Variants in TEX14 observed in about 807,000 individuals in gnomAD.
The protein encoded by TEX14 is inactive serine/threonine-protein kinase TEX14.
A neutral mutation model predicts 178.6 loss-of-function variants in TEX14; 168 were observed. That is an observed-to-expected ratio of 0.94 (90% CI 0.83 to 1.07). TEX14 has a LOEUF of 1.07. Among genes scored for constraint, TEX14 ranks in the 50% least tolerant of loss-of-function variants. The pLI is 0.00. For synonymous variants in TEX14, 626 were observed against 634.1 expected, an observed-to-expected ratio of 0.99 and a Z score of 0.19; for missense variants, 1,730 against 1,753.6, an observed-to-expected ratio of 0.99 and a Z score of 0.24.
chr17:58,669,052 T>TA (rs913324372), intron 1 of TEX14, among the ~76,000 whole-genome samples: 23 of 152,088 alleles, frequency 1.5e-4, no homozygotes, highest in African/African-American at 5.5e-4. Flanking sequence ...CTGTATTGTG[T>TA]AAAAAAGGGG....
chr17:58,608,525 G>A (rs1001736535), intron 10 of TEX14, among the ~76,000 whole-genome samples: 6 of 152,152 alleles, frequency 3.9e-5, no homozygotes, highest in South Asian at 2.1e-4. Context: ...GCAGTGAGCC[G>A]AGATCGTGCC....
Position 58,565,749 on chromosome 17 carries a change from T to C in TEX14, c.3962A>G (p.Asn1321Ser). The change falls in exon 27 of 32, where the codon AAT becomes AGT. Residue 1321 changes from asparagine (N) to serine (S), a missense_variant and splice_region_variant. Physicochemically the swap from Asn to Ser is conservative, Grantham distance 46. Transcript: ENST00000349033. ...NTASDGGGTA[N>S]DQRHLEEQET... ...AACAATCTAGGTAGTTCACTTACCA[T>C]TTGCAGTGCCTCCTCCATCACTTGC... The C allele has an allele frequency of 1.9e-6, 3 of 1,606,254 alleles. No homozygotes were observed. The highest frequency in any genetic ancestry group is 2.6e-6 in the Non-Finnish European group (3 of 1,175,614).
At chr17:58,626,337 G>T (rs556196713) in intron 3 of TEX14, among the ~76,000 whole-genome samples, 1 of 145,620 alleles carries the variant, frequency 6.9e-6, no homozygotes, top group Non-Finnish European at 1.5e-5. Context: ...AGGCCGAGGC[G>T]GGTGGATCAT....
chr17:58,677,906 C>T (rs1293768963), intron 1 of TEX14, among the ~76,000 whole-genome samples: 5 of 152,232 alleles, frequency 3.3e-5, no homozygotes, highest in Non-Finnish European at 4.4e-5. Context: ...AATCCCAACA[C>T]TTTGGGAGGC....
chr17:58,600,003 T>C (rs1006204911), intron 13 of TEX14, among the ~76,000 whole-genome samples: 6 of 152,148 alleles, frequency 3.9e-5, no homozygotes, highest in African/African-American at 1.2e-4. Flanking sequence ...AATCTTGTTT[T>C]CTTTTGTTTT....
intron 1 of TEX14, among the ~76,000 whole-genome samples, chr17:58,656,563 G>T (rs939236942): frequency 2.6e-5 from 4 of 151,910 alleles, no homozygotes; most frequent in Non-Finnish European, 5.9e-5. Flanking sequence ...AGACCAGCCT[G>T]ACCAACATGG....
At chr17:58,669,838 A>T (rs1329066875) in intron 1 of TEX14, among the ~76,000 whole-genome samples, 1 of 151,900 alleles carries the variant, frequency 6.6e-6, no homozygotes. Flanking sequence ...GTCAGGAAGG[A>T]GCATTGGTGC....
At position 58,557,822 on chromosome 17, in the gene TEX14, T is replaced by C. The variant is rs1234219815; in HGVS notation, c.4296A>G (p.Arg1432=). Residue 1432 remains arginine (R), a synonymous_variant, in exon 31 of 32, where the codon CGA becomes CGG. Transcript: ENST00000349033. Reference sequence around the variant, plus strand: ...ACCTGGATGATTCGGACCAACCTAGTCGCTTCCAAAAACAGGATTTTAGTT... The same window carrying C: ...ACCTGGATGATTCGGACCAACCTAGCCGCTTCCAAAAACAGGATTTTAGTT... ...EDELKSCFWK[R]LGWSESSRII... The C allele has an allele frequency of 3.7e-6, 6 of 1,612,486 alleles. No individual in the cohort carries two copies. In the Admixed American group the frequency reaches 5.0e-5, roughly 13 times the overall value.
chr17:58,687,941 CCT>C (rs1231455368), intron 1 of TEX14, among the ~76,000 whole-genome samples: 2 of 152,006 alleles, frequency 1.3e-5, no homozygotes, highest in African/African-American at 2.4e-5. Context: ...TCTTGTTTAC[CCT>C]GTCATCTGGC....
intron 3 of TEX14, among the ~76,000 whole-genome samples, chr17:58,627,196 G>A (rs1016852169): frequency 5.3e-5 from 8 of 152,008 alleles, no homozygotes; most frequent in African/African-American, 1.9e-4. Flanking sequence ...TTAATACTAT[G>A]TACCATATTA....
At position 58,659,301 on chromosome 17, in the gene TEX14, GA is replaced by G. The variant is rs2047056433; in HGVS notation, c.-1-7300del. 3.1e-6 allele frequency: 3 copies of G among 971,092 alleles called. No homozygotes were observed. The African/African-American group carries it at 5.3e-5, about 17-fold the overall frequency. The allele number at this position is 971,092 out of a possible 1,614,324, so 60.2% of individuals were successfully genotyped here. Reference sequence around the variant, plus strand: ...AACAGCGTCTCTCCCCCGCCACAAAGACATTATTTACTTAATATTGCTAATA... The same window carrying G: ...AACAGCGTCTCTCCCCCGCCACAAAGCATTATTTACTTAATATTGCTAATA... On this transcript the variant is annotated intron_variant, in intron 1 of 31. Transcript: ENST00000349033.
At chr17:58,617,205 C>T (rs562677037) in intron 6 of TEX14, among the ~76,000 whole-genome samples, 43 of 152,232 alleles carry the variant, frequency 2.8e-4, no homozygotes, top group African/African-American at 8.2e-4. Flanking sequence ...GAGCCAAGAT[C>T]GCGCCACTGC....
intron 6 of TEX14, among the ~76,000 whole-genome samples, chr17:58,616,629 A>C (rs1470397869): frequency 6.6e-6 from 1 of 151,924 alleles, no homozygotes; most frequent in Non-Finnish European, 1.5e-5. Flanking sequence ...GGCTTTTGCC[A>C]TGTTGGCTGG....
intron 2 of TEX14, among the ~76,000 whole-genome samples, chr17:58,632,821 C>T (rs1442703365): frequency 6.6e-6 from 1 of 152,026 alleles, no homozygotes; most frequent in African/African-American, 2.4e-5. Flanking sequence ...GAAACTTAGG[C>T]GACATCCGGA....
At chr17:58,689,745 A>G (rs918111170) in intron 1 of TEX14, among the ~76,000 whole-genome samples, 46 of 152,178 alleles carry the variant, frequency 3.0e-4, no homozygotes, top group African/African-American at 1.1e-3. Context: ...CGTGGTTTCA[A>G]AAACCTGGAT....
At chr17:58,657,831 T>C (rs750982432) in intron 1 of TEX14, among the ~76,000 whole-genome samples, 8 of 152,210 alleles carry the variant, frequency 5.3e-5, no homozygotes, top group Non-Finnish European at 1.2e-4. Flanking sequence ...TAGATTGCCT[T>C]TGTAGGACTA....
At position 58,561,505 on chromosome 17, in the gene TEX14, T is replaced by C. The variant is rs201213336; in HGVS notation, c.4157+15A>G. On this transcript the variant is annotated intron_variant, in intron 29 of 31. Transcript: ENST00000349033. ...TGAAAAAGAAGAAAAGGATTCCCCT[T>C]TGGGGAACAATAACCTTTCAGAGCC... is the stretch of plus-strand genomic sequence containing the variant. The C allele has an allele frequency of 1.7e-5, 27 of 1,562,618 alleles. 1 individual carries two copies. In the Admixed American group the frequency reaches 4.4e-4, roughly 25 times the overall value.
At chr17:58,655,092 T>C (rs963805532) in intron 1 of TEX14, among the ~76,000 whole-genome samples, 3 of 149,664 alleles carry the variant, frequency 2.0e-5, no homozygotes, top group African/African-American at 7.4e-5. Flanking sequence ...TGAAGTGCAG[T>C]GGTGAGAATG....
At chr17:58,687,376 T>C (rs951188602) in intron 1 of TEX14, among the ~76,000 whole-genome samples, 1 of 152,112 alleles carries the variant, frequency 6.6e-6, no homozygotes, top group Non-Finnish European at 1.5e-5. Context: ...TTCTTCCAAA[T>C]ATACTCTTTT....
Sources: allele counts gnomAD v4.1 joint callset (sites outside exome capture counted in the v4.1 genomes callset), GRCh38; gene constraint gnomAD v4.1.1; transcripts MANE v1.5; gene names NCBI Gene and HGNC (gene_info 2026-07-23, HGNC 2026-07-21).